The following TRPS1 variants were observed in gnomAD, a reference collection of about 807,000 sequenced individuals.
The protein encoded by TRPS1 is zinc finger transcription factor Trps1.
Under a neutral mutation model 101.2 loss-of-function variants are expected in TRPS1, and 6 were observed. The ratio of observed to expected loss-of-function variants is 0.06; its 90% confidence interval spans 0.03 to 0.12. The LOEUF (loss-of-function observed/expected upper bound fraction) is 0.12. Among genes scored for constraint, TRPS1 ranks in the 10% least tolerant of loss-of-function variants. The pLI is 1.00. For missense variants in TRPS1, 1,363 were observed against 1,567.0 expected (o/e 0.87, Z 2.20); for synonymous variants, 578 against 589.8 (o/e 0.98, Z 0.29).
At chr8:115,566,359 A>G (rs1817067561) in intron 5 of TRPS1, among the ~76,000 whole-genome samples, 2 of 152,092 alleles carry the variant, frequency 1.3e-5, no homozygotes, top group South Asian at 4.1e-4. Context: ...AAGAATACAC[A>G]CCTGTTGCTC....
At chr8:115,456,031 G>A (rs947247940) in intron 5 of TRPS1, among the ~76,000 whole-genome samples, 2 of 151,974 alleles carry the variant, frequency 1.3e-5, no homozygotes, top group African/African-American at 4.8e-5. Context: ...TGATCCGCCC[G>A]CCTAGGCCTC....
In TRPS1 at chr8:115,418,565, C is replaced by G. The variant is rs1411625467; in HGVS notation, c.2701-113G>C. The G allele has an allele frequency of 7.0e-7, 1 of 1,420,978 alleles. No individual in the cohort carries two copies. The highest frequency in any genetic ancestry group is 9.9e-7 in the Non-Finnish European group (1 of 1,011,742). 88.0% of individuals were successfully genotyped at this position (1,420,978 alleles called of 1,614,324 possible). ...ACTAGCAACAATGACAGTATAAAAC[C>G]ACACTGCCCATAATGAGGTCAGGTT... On this transcript the variant is annotated intron_variant, in intron 5 of 6. Coordinates refer to ENST00000395715, the MANE Select transcript of TRPS1 (RefSeq NM_014112.5). This position sits in a 1 kb window ranked among gnomAD's most constrained non-coding sequence, Gnocchi z 4.3.
At chr8:115,667,211 GA>G (rs1218509304) in intron 1 of TRPS1, among the ~76,000 whole-genome samples, 1 of 152,088 alleles carries the variant, frequency 6.6e-6, no homozygotes, top group Non-Finnish European at 1.5e-5. Context: ...AATTGCTTTA[GA>G]GTCCTGGGGC....
At chr8:115,657,766 AC>A (rs1811707301) in intron 1 of TRPS1, among the ~76,000 whole-genome samples, 1 of 152,176 alleles carries the variant, frequency 6.6e-6, no homozygotes, top group South Asian at 2.1e-4. Flanking sequence ...TCAAAATTAT[AC>A]AACTTTATTT....
chr8:115,624,599 A>C (rs1818465207), intron 1 of TRPS1, among the ~76,000 whole-genome samples: 9 of 151,978 alleles, frequency 5.9e-5, no homozygotes, highest in Admixed American at 5.9e-4. Context: ...TAAAAATCAT[A>C]AATTTCTACT....
Position 115,485,016 on chromosome 8 carries a change from G to T in TRPS1, c.2701-66564C>A, listed in dbSNP as rs1484659888. Among the ~76,000 whole-genome samples the T allele has an allele frequency of 3.9e-5, 6 of 152,308 alleles. No homozygotes were observed. The South Asian group carries it at 1.2e-3, about 32-fold the overall frequency. ...TTTCTCTCAGTTATTCAATAACACT[G>T]ATCTAGGACCTGTTCTGAAGGGCTT... On this transcript the variant is annotated intron_variant, in intron 5 of 6. Transcript: ENST00000395715.
Position 115,658,635 on chromosome 8 carries a change from G to A in TRPS1, c.-122+9910C>T, listed in dbSNP as rs140113960. Among the ~76,000 whole-genome samples the A allele has an allele frequency of 1.1e-3, 173 of 152,160 alleles. 2 individuals carry two copies. Among genetic ancestry groups the A allele is most frequent in the African/African-American group, 3.8e-3 (158 of 41,512 alleles). On this transcript the variant is annotated intron_variant, in intron 1 of 6. Transcript: ENST00000395715. ...AGTATTGCCAAGGACACACTGAATCGTTCAGGAAGTGAGAAGAATATGTAT... is the reference window on the plus strand; with the variant it reads ...AGTATTGCCAAGGACACACTGAATCATTCAGGAAGTGAGAAGAATATGTAT...
At position 115,604,976 on chromosome 8, in the gene TRPS1, G is replaced by A. The variant is rs201665836; in HGVS notation, c.993C>T (p.Gly331=). 1.2e-6 allele frequency: 2 copies of A among 1,613,572 alleles called. No homozygotes were observed. The highest frequency in any genetic ancestry group is 1.1e-5 in the South Asian group (1 of 91,082). The change falls in exon 4 of 7, where the codon GGC becomes GGT. Residue 331 remains glycine, a synonymous_variant. Transcript: ENST00000395715. The surrounding 1 kb of genome is among the most constrained non-coding windows in gnomAD (Gnocchi z 4.1). ...VQVTSGGTFI[G]IGRKTPDCQG... is the part of the protein sequence containing the mutation. ...GGCAATCTGGTGTTTTCCGTCCAAT[G>A]CCAATGAATGTTCCACCTGAAGTCA...
chr8:115,606,610 T>C (rs982595310), intron 3 of TRPS1, among the ~76,000 whole-genome samples: 3 of 152,056 alleles, frequency 2.0e-5, no homozygotes, highest in Non-Finnish European at 2.9e-5. Context: ...CTGACAATCA[T>C]TCAATGGTGT....
chr8:115,459,261 T>C (rs931433906), intron 5 of TRPS1, among the ~76,000 whole-genome samples: 5 of 152,038 alleles, frequency 3.3e-5, no homozygotes, highest in African/African-American at 1.2e-4. Context: ...GAGGCGGAGC[T>C]TGCAGTGAGC....
intron 5 of TRPS1, among the ~76,000 whole-genome samples, chr8:115,523,228 A>C (rs573085308): frequency 1.3e-5 from 2 of 152,260 alleles, no homozygotes; most frequent in East Asian, 3.9e-4. Flanking sequence ...GAGGCTTAAA[A>C]GGTTTCAGTA....
At chr8:115,656,793 A>G (rs2130620413) in intron 1 of TRPS1, among the ~76,000 whole-genome samples, 1 of 152,290 alleles carries the variant, frequency 6.6e-6, no homozygotes, top group Non-Finnish European at 1.5e-5. Context: ...TTCTGAAAAC[A>G]CAAGAGAAAA....
At chr8:115,437,276 C>G (rs1191613263) in intron 5 of TRPS1, among the ~76,000 whole-genome samples, 1 of 152,152 alleles carries the variant, frequency 6.6e-6, no homozygotes, top group Non-Finnish European at 1.5e-5. Flanking sequence ...TTAATGGGCA[C>G]AAAAAGCAGG....
chr8:115,542,636 C>G (rs1816481287), intron 5 of TRPS1, among the ~76,000 whole-genome samples: 2 of 152,050 alleles, frequency 1.3e-5, no homozygotes, highest in East Asian at 3.9e-4. Context: ...AGTTTGCACC[C>G]TGCTTTTAGA....
At chr8:115,668,015 G>T in intron 1 of TRPS1, 3 of 933,952 alleles carry the variant, frequency 3.2e-6, no homozygotes, top group Non-Finnish European at 4.8e-6. Context: ...ATTAAAATCA[G>T]CCAGAAAGAG....
At chr8:115,521,704 A>G (rs554844793) in intron 5 of TRPS1, among the ~76,000 whole-genome samples, 1 of 152,114 alleles carries the variant, frequency 6.6e-6, no homozygotes, top group South Asian at 2.1e-4. Flanking sequence ...TAAATGTGCT[A>G]ATACTTTATT....
intron 1 of TRPS1, among the ~76,000 whole-genome samples, chr8:115,636,240 G>C (rs1818764013): frequency 6.6e-6 from 1 of 151,980 alleles, no homozygotes; most frequent in African/African-American, 2.4e-5. Context: ...TGAAGCACAA[G>C]ATGACACATT....
At chr8:115,627,453 T>C (rs921384518) in intron 1 of TRPS1, among the ~76,000 whole-genome samples, 1 of 151,820 alleles carries the variant, frequency 6.6e-6, no homozygotes, top group African/African-American at 2.4e-5. Flanking sequence ...ACTTAGGCTA[T>C]TTCAACTGGT....
At chr8:115,514,605 T>C (rs1370256198) in intron 5 of TRPS1, among the ~76,000 whole-genome samples, 1 of 151,664 alleles carries the variant, frequency 6.6e-6, no homozygotes, top group Non-Finnish European at 1.5e-5. Context: ...TTTCCTTGAA[T>C]TATTAATAGA....
Sources: gnomAD v4.1 joint callset for allele counts (sites outside exome capture counted in the v4.1 genomes callset) on GRCh38, gnomAD v4.1.1 for gene constraint, Gnocchi (gnomAD v3.1) non-coding constraint, MANE v1.5 for transcripts, NCBI Gene and HGNC (gene_info 2026-07-23, HGNC 2026-07-21) for gene names.